The following C1GALT1 variants were observed in gnomAD, a reference collection of about 807,000 sequenced individuals.
The protein encoded by C1GALT1 is glycoprotein-N-acetylgalactosamine 3-beta-galactosyltransferase 1.
In C1GALT1, 11 loss-of-function variants were observed where a neutral mutation model predicts 31.0. The observed-to-expected ratio is 0.36, with a 90% CI of 0.22 to 0.59. The LOEUF (loss-of-function observed/expected upper bound fraction) is 0.59. Ranked by LOEUF, C1GALT1 falls within the 20% of genes least tolerant of loss-of-function variation. The pLI is 0.79. For synonymous variants in C1GALT1, 175 were observed against 143.6 expected, an observed-to-expected ratio of 1.22 and a Z score of -1.56; for missense variants, 424 against 425.2, an observed-to-expected ratio of 1.00 and a Z score of 0.03.
intron 2 of C1GALT1, among the ~76,000 whole-genome samples, chr7:7,167,773 C>T (rs963261201): frequency 6.6e-6 from 1 of 152,062 alleles, no homozygotes; most frequent in African/African-American, 2.4e-5. Context: ...GTCCCTTATT[C>T]TCCTGAGACT....
chr7:7,172,420 T>A (rs532051181), intron 2 of C1GALT1, among the ~76,000 whole-genome samples: 2 of 152,178 alleles, frequency 1.3e-5, no homozygotes, highest in Non-Finnish European at 2.9e-5. Flanking sequence ...TTAAAATATC[T>A]TAAGTGTGGG....
chr7:7,204,061 T>C (rs1016642488), intron 1 of C1GALT1, among the ~76,000 whole-genome samples: 1 of 151,600 alleles, frequency 6.6e-6, no homozygotes, highest in African/African-American at 2.4e-5. Flanking sequence ...AATGCTGGCC[T>C]CACAGAATAA....
At chr7:7,206,625 A>G (rs988972490) in intron 1 of C1GALT1, among the ~76,000 whole-genome samples, 1 of 151,198 alleles carries the variant, frequency 6.6e-6, no homozygotes, top group Non-Finnish European at 1.5e-5. Context: ...GCAGTTAGCC[A>G]CGATCGCGCC....
At chr7:7,237,783 G>T (rs184407191) in intron 2 of C1GALT1, among the ~76,000 whole-genome samples, 1 of 152,110 alleles carries the variant, frequency 6.6e-6, no homozygotes, top group South Asian at 2.1e-4. Flanking sequence ...TCAGAAACTC[G>T]TTCAGAGCAG....
At chr7:7,237,944 A>G (rs1416237937) in intron 2 of C1GALT1, among the ~76,000 whole-genome samples, 3 of 152,188 alleles carry the variant, frequency 2.0e-5, no homozygotes, top group Non-Finnish European at 2.9e-5. Context: ...GTCTGGGCCT[A>G]AGATTATGCA....
At chr7:7,171,308 TATG>T (rs1306292971) in intron 2 of C1GALT1, among the ~76,000 whole-genome samples, 1 of 152,156 alleles carries the variant, frequency 6.6e-6, no homozygotes, top group African/African-American at 2.4e-5. Flanking sequence ...TGTTTATAAT[TATG>T]ATAACTTTTT....
intron 1 of C1GALT1, among the ~76,000 whole-genome samples, chr7:7,223,361 C>T (rs1168692278): frequency 1.3e-5 from 2 of 152,126 alleles, no homozygotes; most frequent in Non-Finnish European, 2.9e-5. Flanking sequence ...TGGGGTTTCT[C>T]CATGTTGGCC....
intron 1 of C1GALT1, among the ~76,000 whole-genome samples, chr7:7,185,731 C>T (rs138229401): frequency 6.6e-6 from 1 of 152,228 alleles, no homozygotes; most frequent in Non-Finnish European, 1.5e-5. Flanking sequence ...CTGCAAAGAC[C>T]CTATTTTGAA....
chr7:7,182,719 A>T lies in C1GALT1; in HGVS notation c.-119A>T. On this transcript the variant is annotated 5_prime_UTR_variant, in exon 1 of 4. Coordinates refer to ENST00000436587, the MANE Select transcript of C1GALT1 (RefSeq NM_020156.5). ...CGGGCGGCCTCGGCTAGCGGCCACGAGCCACTTCTGCGGCTGCCCAGAGAA... is the reference window on the plus strand; with the variant it reads ...CGGGCGGCCTCGGCTAGCGGCCACGTGCCACTTCTGCGGCTGCCCAGAGAA... 1 of 820,506 alleles carries T rather than the reference A, an allele frequency of 1.2e-6. No individual in the cohort carries two copies. Among genetic ancestry groups the T allele is most frequent in the Non-Finnish European group, 1.5e-6 (1 of 679,090 alleles). The allele number at this position is 820,506 out of a possible 1,614,324, so 50.8% of individuals were successfully genotyped here. A position where few individuals can be genotyped will look rare whatever the true frequency, so the allele number is the denominator to read the frequency against.
chr7:7,198,434 G>C (rs537174161), intron 1 of C1GALT1, among the ~76,000 whole-genome samples: 3 of 152,212 alleles, frequency 2.0e-5, no homozygotes, highest in African/African-American at 4.8e-5. Flanking sequence ...ATTCAGTTTG[G>C]CAGTATTTTA....
Position 7,243,752 on chromosome 7 carries a change from T to A in C1GALT1, c.*25T>A. ...AAAGAAAATCATGAATGAACAAAGGTAATATGTCTAGCACTGCACTGAAAA... is the reference window on the plus strand; with the variant it reads ...AAAGAAAATCATGAATGAACAAAGGAAATATGTCTAGCACTGCACTGAAAA... On this transcript the variant is annotated 3_prime_UTR_variant, in exon 4 of 4. Coordinates refer to ENST00000436587, the MANE Select transcript of C1GALT1 (RefSeq NM_020156.5). 1 of 1,530,546 alleles carries A rather than the reference T, an allele frequency of 6.5e-7. No homozygotes were observed. The highest frequency in any genetic ancestry group is 8.9e-7 in the Non-Finnish European group (1 of 1,120,578). The allele number at this position is 1,530,546 out of a possible 1,614,324, so 94.8% of individuals were successfully genotyped here.
chr7:7,189,489 AT>A (rs1243240912), intron 1 of C1GALT1, among the ~76,000 whole-genome samples: 1 of 148,496 alleles, frequency 6.7e-6, no homozygotes. Flanking sequence ...ATATCTCTTC[AT>A]TTGATTTACC....
chr7:7,166,942 A>C (rs1780400329), intron 2 of C1GALT1, among the ~76,000 whole-genome samples: 2 of 152,222 alleles, frequency 1.3e-5, no homozygotes, highest in Non-Finnish European at 2.9e-5. Flanking sequence ...GAATTCAAAC[A>C]CATCAATCTT....
intron 1 of C1GALT1, among the ~76,000 whole-genome samples, chr7:7,197,495 T>A (rs1221072082): frequency 5.9e-5 from 9 of 152,334 alleles, no homozygotes; most frequent in Non-Finnish European, 1.2e-4. Context: ...AGCTTTGTTT[T>A]TTTGGCTTAG....
At chr7:7,158,407 G>A (rs888656664) in intron 2 of C1GALT1, among the ~76,000 whole-genome samples, 1 of 152,092 alleles carries the variant, frequency 6.6e-6, no homozygotes, top group African/African-American at 2.4e-5. Flanking sequence ...GGAGTTTGAT[G>A]TGGACTCAAA....
intron 1 of C1GALT1, among the ~76,000 whole-genome samples, chr7:7,228,161 C>G (rs978300691): frequency 1.3e-5 from 2 of 151,856 alleles, no homozygotes; most frequent in African/African-American, 4.9e-5. Flanking sequence ...AGAGAGAAAC[C>G]TGTAATGATA....
chr7:7,240,242 T>C (rs1279838644), intron 3 of C1GALT1, among the ~76,000 whole-genome samples: 9 of 152,130 alleles, frequency 5.9e-5, no homozygotes, highest in Non-Finnish European at 1.2e-4. Context: ...CACTACATTA[T>C]AAACCTACTA....
chr7:7,235,801 G>C (rs1562595509), intron 2 of C1GALT1, among the ~76,000 whole-genome samples: 2 of 152,128 alleles, frequency 1.3e-5, no homozygotes, highest in Non-Finnish European at 2.9e-5. Context: ...GTCTGTGCCA[G>C]AAATTAAGAA....
chr7:7,216,189 A>C (rs1782231199), intron 1 of C1GALT1, among the ~76,000 whole-genome samples: 1 of 152,158 alleles, frequency 6.6e-6, no homozygotes, highest in South Asian at 2.1e-4. Flanking sequence ...AGCTGAAGAT[A>C]ATTTATTACC....
Sources: allele counts gnomAD v4.1 joint callset (sites outside exome capture counted in the v4.1 genomes callset), GRCh38; gene constraint gnomAD v4.1.1; transcripts MANE v1.5; gene names NCBI Gene and HGNC (gene_info 2026-07-23, HGNC 2026-07-21).